The following IGF2BP2 variants were observed in gnomAD, a reference collection of about 807,000 sequenced individuals.
IGF2BP2 encodes insulin-like growth factor 2 mRNA-binding protein 2.
In IGF2BP2, 17 loss-of-function variants were observed where a neutral mutation model predicts 75.8. The observed-to-expected ratio is 0.22, with a 90% confidence interval of 0.15 to 0.34. The LOEUF (loss-of-function observed/expected upper bound fraction) is 0.34, where lower values mean the gene tolerates loss of function less well. Ranked by LOEUF, IGF2BP2 falls within the 10% of genes least tolerant of loss-of-function variation. The pLI is 1.00. For missense variants in IGF2BP2, 516 were observed against 772.4 expected (o/e 0.67, Z 3.93); for synonymous variants, 288 against 295.6 (o/e 0.97, Z 0.26).
At chr3:185,713,574 A>G in intron 2 of IGF2BP2, 1 of 491,214 alleles carries the variant, frequency 2.0e-6, no homozygotes, top group Non-Finnish European at 4.1e-6. Flanking sequence ...TTTATTTCAC[A>G]TGGAGCTCTT....
intron 2 of IGF2BP2, among the ~76,000 whole-genome samples, chr3:185,815,928 C>T (rs1740541247): frequency 6.6e-6 from 1 of 152,156 alleles, no homozygotes; most frequent in African/African-American, 2.4e-5. Flanking sequence ...TTTATGGATA[C>T]TATCCCTATT....
chr3:185,681,302 T>G (rs1162981280), intron 7 of IGF2BP2, among the ~76,000 whole-genome samples: 2 of 152,028 alleles, frequency 1.3e-5, no homozygotes, highest in Non-Finnish European at 2.9e-5. Flanking sequence ...ATAAACAATC[T>G]GAAAAAGAAG....
At chr3:185,663,960 A>G (rs1035354836) in intron 10 of IGF2BP2, among the ~76,000 whole-genome samples, 4 of 152,236 alleles carry the variant, frequency 2.6e-5, no homozygotes, top group African/African-American at 9.6e-5. Flanking sequence ...TAGTGTGATG[A>G]TAGAGTGATA....
chr3:185,816,538 T>G (rs763206923), intron 2 of IGF2BP2, among the ~76,000 whole-genome samples: 1 of 152,206 alleles, frequency 6.6e-6, no homozygotes, highest in African/African-American at 2.4e-5. Context: ...ACTTCTTTAA[T>G]GTAAAACGTT....
At chr3:185,662,134 T>C (rs1171811844) in intron 10 of IGF2BP2, among the ~76,000 whole-genome samples, 1 of 152,172 alleles carries the variant, frequency 6.6e-6, no homozygotes, top group Non-Finnish European at 1.5e-5. Context: ...GAAAGATCAC[T>C]GGGCACTGGA....
chr3:185,716,444 A>C (rs1037328090), intron 2 of IGF2BP2: 2 of 513,462 alleles, frequency 3.9e-6, no homozygotes, highest in Non-Finnish European at 3.9e-6. Context: ...TATTCAGCAG[A>C]AACAAAGAAA....
At chr3:185,678,928 T>C (rs1420904552) in intron 7 of IGF2BP2, among the ~76,000 whole-genome samples, 3 of 152,186 alleles carry the variant, frequency 2.0e-5, no homozygotes, top group Non-Finnish European at 4.4e-5. Flanking sequence ...CATCTGATAA[T>C]AGTATAGCTA....
rs775998199 is a variant in IGF2BP2 at position 185,658,417 on chromosome 3, A to G, written c.1201-8T>C. On this transcript the variant is annotated splice_region_variant and splice_polypyrimidine_tract_variant and intron_variant, in intron 10 of 15. Coordinates refer to ENST00000382199, the MANE Select transcript of IGF2BP2 (RefSeq NM_006548.6). ...GAAGTATCCGGAGTGGGTCTGCAGC[A>G]TGAGAGAAAGAGTCAGTGGGCGGGT... The G allele has an allele frequency of 6.2e-7, 1 of 1,613,014 alleles. No homozygotes were observed. The highest frequency in any genetic ancestry group is 1.1e-5 in the South Asian group (1 of 90,964).
chr3:185,783,390 G>T (rs913424811), intron 2 of IGF2BP2, among the ~76,000 whole-genome samples: 3 of 152,198 alleles, frequency 2.0e-5, no homozygotes, highest in Admixed American at 1.3e-4. Flanking sequence ...AAGGACTTAA[G>T]GTGGTAGAAA....
intron 2 of IGF2BP2, among the ~76,000 whole-genome samples, chr3:185,777,935 T>C (rs1734719918): frequency 6.6e-6 from 1 of 151,908 alleles, no homozygotes; most frequent in East Asian, 1.9e-4. Flanking sequence ...TCCCAGCTAC[T>C]TGGGAGGCTG....
chr3:185,735,786 C>T (rs192120111), intron 2 of IGF2BP2, among the ~76,000 whole-genome samples: 20 of 152,284 alleles, frequency 1.3e-4, no homozygotes, highest in Admixed American at 6.5e-4. Flanking sequence ...TTTTCATTTC[C>T]ATCACCATGA....
In IGF2BP2 at chr3:185,647,083, G is replaced by A. The variant is rs560563186; in HGVS notation, c.1649C>T (p.Thr550Met). The A allele has an allele frequency of 1.9e-5, 31 of 1,614,178 alleles. No homozygotes were observed. The South Asian group carries it at 2.6e-4, about 14-fold the overall frequency. The change falls in exon 15 of 16, where the codon ACG (threonine) becomes ATG (methionine). Residue 550 changes from threonine (T) to methionine (M), a missense_variant. Coordinates refer to ENST00000382199, the MANE Select transcript of IGF2BP2 (RefSeq NM_006548.6). This position sits in a 1 kb window ranked among gnomAD's most constrained non-coding sequence, Gnocchi z 4.9. ...GATCACTTCCTCATTTTCATCTGGCGTTTGGTCACGAGGCACGATGACTTC... is the reference window on the plus strand; with the variant it reads ...GATCACTTCCTCATTTTCATCTGGCATTTGGTCACGAGGCACGATGACTTC... ...SAEVIVPRDQ[T>M]PDENEEVIVR...
intron 2 of IGF2BP2, among the ~76,000 whole-genome samples, chr3:185,807,736 T>C: frequency 6.6e-6 from 1 of 152,240 alleles, no homozygotes; most frequent in East Asian, 1.9e-4. Context: ...GATGTCACTC[T>C]CCTTGGCTTT....
At chr3:185,665,628 T>G (rs547093402) in intron 10 of IGF2BP2, among the ~76,000 whole-genome samples, 8 of 144,564 alleles carry the variant, frequency 5.5e-5, no homozygotes, top group Admixed American at 4.1e-4. Context: ...AGGAGGAGGA[T>G]ATCTACAAAA....
intron 2 of IGF2BP2, among the ~76,000 whole-genome samples, chr3:185,769,366 T>TA (rs1372819056): frequency 9.9e-5 from 15 of 151,478 alleles, no homozygotes; most frequent in Admixed American, 3.9e-4. Flanking sequence ...AAATTTTTTT[T>TA]AAAAAAAAGG....
At chr3:185,673,016 T>G (rs1158084946) in intron 9 of IGF2BP2, among the ~76,000 whole-genome samples, 1 of 152,206 alleles carries the variant, frequency 6.6e-6, no homozygotes, top group South Asian at 2.1e-4. Context: ...ATGCTATTTA[T>G]TTCCTAGGCA....
At chr3:185,770,515 C>T (rs35430985) in intron 2 of IGF2BP2, among the ~76,000 whole-genome samples, 1 of 151,964 alleles carries the variant, frequency 6.6e-6, no homozygotes, top group Non-Finnish European at 1.5e-5. Context: ...TTCCAAGGCA[C>T]CAGATTTTAA....
At chr3:185,725,572 T>A (rs181002704) in intron 2 of IGF2BP2, among the ~76,000 whole-genome samples, 2 of 152,158 alleles carry the variant, frequency 1.3e-5, no homozygotes, top group Admixed American at 6.5e-5. Context: ...TATTGTTTTT[T>A]TCTGGTGGAT....
chr3:185,743,078 G>A (rs1032916681), intron 2 of IGF2BP2, among the ~76,000 whole-genome samples: 5 of 151,898 alleles, frequency 3.3e-5, no homozygotes, highest in East Asian at 1.9e-4. Context: ...CAGCCTGGGC[G>A]ACAGAGTGAG....
Sources: allele counts gnomAD v4.1 joint callset (sites outside exome capture counted in the v4.1 genomes callset), GRCh38; gene constraint gnomAD v4.1.1; non-coding constraint Gnocchi (gnomAD v3.1); transcripts MANE v1.5; gene names NCBI Gene and HGNC (gene_info 2026-07-23, HGNC 2026-07-21).